The following IRAG2 variants were observed in gnomAD, a reference collection of about 807,000 sequenced individuals.
The protein encoded by IRAG2 is inositol 1,4,5-triphosphate receptor associated 2, also known as lymphoid restricted membrane protein.
A neutral mutation model predicts 69.9 loss-of-function variants in IRAG2; 45 were observed. That is an observed-to-expected ratio of 0.64 (90% CI 0.51 to 0.83). IRAG2 has a LOEUF of 0.83. Ranked by LOEUF, IRAG2 falls within the 40% of genes least tolerant of loss-of-function variation. IRAG2 has a pLI of 0.00. For missense variants in IRAG2, 520 were observed against 587.0 expected, an observed-to-expected ratio of 0.89 and a Z score of 1.18; for synonymous variants, 193 against 202.4, an observed-to-expected ratio of 0.95 and a Z score of 0.40.
intron 21 of IRAG2, 129 bp from the exon 22 acceptor site, chr12:25,107,688 A>ATAAT: frequency 1.3e-6 from 1 of 798,486 alleles, no homozygotes. Flanking sequence ...ATGATAAATC[A>ATAAT]TAATATGTAG....
intron 4 of IRAG2, among the ~76,000 whole-genome samples, chr12:25,065,091 A>G (rs1945886771): frequency 6.7e-6 from 1 of 149,798 alleles, no homozygotes; most frequent in African/African-American, 2.4e-5. Flanking sequence ...CTCAGTCTCA[A>G]AAAAAAAAAA....
intron 10 of IRAG2, among the ~76,000 whole-genome samples, chr12:25,083,860 A>G (rs918602274): frequency 6.6e-6 from 1 of 152,262 alleles, no homozygotes; most frequent in African/African-American, 2.4e-5. Flanking sequence ...AAACGGTGGT[A>G]TCTATCCTAA....
exon 1 of IRAG2, chr12:25,004,619 C>G (rs1944417027): frequency 8.1e-7 from 1 of 1,231,988 alleles, no homozygotes; most frequent in Admixed American, 4.2e-5. Flanking sequence ...CAAATAATAT[C>G]TCCAAGAACC....
At chr12:25,055,463 AT>A (rs1351416073) in intron 1 of IRAG2, among the ~76,000 whole-genome samples, 8 of 152,066 alleles carry the variant, frequency 5.3e-5, no homozygotes, top group Non-Finnish European at 8.8e-5. Context: ...TAAAAAGGAA[AT>A]TTTTTTTATT....
At chr12:25,015,088 GA>G in intron 3 of IRAG2, 55 of 50,886 alleles carry the variant, frequency 1.1e-3, no homozygotes, top group East Asian at 2.3e-3. Context: ...GCATAAATCT[GA>G]AAAAAAAAAA....
At chr12:25,007,008 C>A (rs939364774) in intron 2 of IRAG2, among the ~76,000 whole-genome samples, 2 of 152,070 alleles carry the variant, frequency 1.3e-5, no homozygotes, top group African/African-American at 2.4e-5. Flanking sequence ...TTGTTAGTGA[C>A]TTGTTGTATA....
At chr12:25,014,124 C>T (rs1944501746) in intron 3 of IRAG2, among the ~76,000 whole-genome samples, 1 of 151,826 alleles carries the variant, frequency 6.6e-6, no homozygotes. Context: ...ATCTGCCCTC[C>T]TCTGCCTCCC....
At chr12:25,015,173 T>TTG in intron 3 of IRAG2, 1 of 1,162,962 alleles carries the variant, frequency 8.6e-7, no homozygotes, top group Non-Finnish European at 1.1e-6. Context: ...TTTTTTTTTT[T>TTG]GGCTACAGGG....
At chr12:25,103,765 T>A in intron 17 of IRAG2, 72 bp from the exon 18 acceptor site, 1 of 1,069,484 alleles carries the variant, frequency 9.4e-7, no homozygotes, top group Non-Finnish European at 1.4e-6. Context: ...TGTACAAGGA[T>A]ATTTATTGGT....
intron 10 of IRAG2, among the ~76,000 whole-genome samples, chr12:25,083,769 A>C (rs1367358167): frequency 6.6e-6 from 1 of 152,228 alleles, no homozygotes; most frequent in African/African-American, 2.4e-5. Flanking sequence ...TATTCATCAA[A>C]AGTCAATTGG....
At position 25,104,225 on chromosome 12, in the gene IRAG2, TAGG is replaced by T. The variant is rs1948909131; in HGVS notation, c.1047-133_1047-131del. Reference sequence around the variant, plus strand: ...AATTATGAAGTTTTTTATCATAAAGTAGGAGATCTGTGAATGTGCCAAGAAAAA... The same window carrying T: ...AATTATGAAGTTTTTTATCATAAAGTAGATCTGTGAATGTGCCAAGAAAAA... On this transcript the variant is annotated intron_variant, in intron 19 of 21. Transcript: ENST00000556887. 4.8e-6 allele frequency: 4 copies of T among 834,858 alleles called. No individual in the cohort carries two copies. In the South Asian group the frequency reaches 5.1e-5, roughly 11 times the overall value. The allele number at this position is 834,858 out of a possible 1,614,324, so 51.7% of individuals were successfully genotyped here.
intron 14 of IRAG2, chr12:25,035,814 G>GTGT: frequency 2.5e-6 from 1 of 398,912 alleles, no homozygotes; most frequent in East Asian, 3.6e-5. Flanking sequence ...CTTTATCATG[G>GTGT]TGTTCCGTTT....
chr12:25,063,696 A>C, intron 3 of IRAG2, 24 bp from the exon 4 acceptor site: 1 of 398,936 alleles, frequency 2.5e-6, no homozygotes, highest in East Asian at 3.6e-5. Context: ...TTAGATGGCT[A>C]ATACTACTTG....
At chr12:25,024,041 T>C (rs1944603961) in intron 8 of IRAG2, 3 of 467,972 alleles carry the variant, frequency 6.4e-6, no homozygotes, top group Admixed American at 4.4e-5. Context: ...AGAGAGCAGG[T>C]TGACTTGTCA....
chr12:25,012,141 TC>T (rs67417313), intron 3 of IRAG2, among the ~76,000 whole-genome samples: 75,760 of 96,524 alleles, frequency 0.78, 32,743 homozygotes, highest in South Asian at 0.96. Context: ...GAAAGCGAAT[TC>T]CCTTTTTTTT....
intron 2 of IRAG2, among the ~76,000 whole-genome samples, chr12:25,009,281 G>A (rs1425879729): frequency 1.3e-5 from 2 of 152,188 alleles, no homozygotes; most frequent in Non-Finnish European, 1.5e-5. Flanking sequence ...ATTCTAGCCT[G>A]GGCAACAGAG....
At chr12:25,089,292 G>GTTTA (rs1441630124) in intron 11 of IRAG2, among the ~76,000 whole-genome samples, 8 of 152,200 alleles carry the variant, frequency 5.3e-5, no homozygotes, top group Non-Finnish European at 7.3e-5. Context: ...CCAGTAGGAG[G>GTTTA]TTTAGGCTTT....
At chr12:25,048,536 A>G (rs1944816060), upstream of IRAG2, among the ~76,000 whole-genome samples, 1 of 152,010 alleles carries the variant, frequency 6.6e-6, no homozygotes, top group Admixed American at 6.6e-5. Flanking sequence ...ACCTCAAGCA[A>G]TCCACCCGCC....
rs1945989295 is a variant in IRAG2 at position 25,066,498 on chromosome 12, A to G, written c.-73A>G. On this transcript the variant is annotated 5_prime_UTR_variant, in exon 5 of 22. An upstream open reading frame in the 5' UTR loses its in-frame stop. Coordinates refer to ENST00000556887, the MANE Select transcript of IRAG2 (RefSeq NM_001366544.2). Reference sequence around the variant, plus strand: ...AAGTAAAGGATGGTGCTTTGGATGTAAAAAGACAACACAAGTAGGTTAAGA... The same window carrying G: ...AAGTAAAGGATGGTGCTTTGGATGTGAAAAGACAACACAAGTAGGTTAAGA... 2 of 401,310 alleles carry G rather than the reference A, an allele frequency of 5.0e-6. No homozygotes were observed. The highest frequency in any genetic ancestry group is 2.5e-4 in the South Asian group (2 of 7,954). 24.9% of individuals were successfully genotyped at this position (401,310 alleles called of 1,614,324 possible).
Sources: allele counts gnomAD v4.1 joint callset (sites outside exome capture counted in the v4.1 genomes callset), GRCh38; gene constraint gnomAD v4.1.1; transcripts MANE v1.5; gene names NCBI Gene and HGNC (gene_info 2026-07-23, HGNC 2026-07-21).